The following COL4A1 variants were observed in gnomAD, a reference collection of about 807,000 sequenced individuals.
The protein encoded by COL4A1 is collagen type IV alpha 1 chain.
COL4A1 carries 40 observed loss-of-function variants against 216.6 expected under a neutral mutation model. That is an observed-to-expected ratio of 0.18 (90% CI 0.14 to 0.24). The LOEUF (loss-of-function observed/expected upper bound fraction) is 0.24. COL4A1 is among the 10% of genes least tolerant of loss of function. The probability of loss-of-function intolerance (pLI) is 1.00; values close to 1 mark genes in which losing one functional copy is unlikely to be tolerated. For synonymous variants in COL4A1, 839 were observed against 810.7 expected, an observed-to-expected ratio of 1.03 and a Z score of -0.59; for missense variants, 1,628 against 2,196.8, an observed-to-expected ratio of 0.74 and a Z score of 5.18.
chr13:110,297,185 G>A (rs953554212), intron 1 of COL4A1, among the ~76,000 whole-genome samples: 4 of 152,206 alleles, frequency 2.6e-5, no homozygotes, highest in Non-Finnish European at 5.9e-5. Context: ...AGCCTGCCTT[G>A]GTCTTTCCCA....
chr13:110,174,742 T>C lies in COL4A1; in HGVS notation c.3206A>G (p.Gln1069Arg). The C allele has an allele frequency of 6.2e-7, 1 of 1,613,590 alleles. No homozygotes were observed. Among genetic ancestry groups the C allele is most frequent in the Non-Finnish European group, 8.5e-7 (1 of 1,179,578 alleles). ...IPGLRGEKGDQGIAGFPGSPG... is the reference protein window; with the variant it reads ...IPGLRGEKGDRGIAGFPGSPG... The stretch of plus-strand genomic sequence containing the variant: ...GCTTCCTGGGAAACCCGCTATCCCT[T>C]GATCTCCCTGCAAGTAAAAGTCAGG... The change falls in exon 38 of 52, where the codon CAA becomes CGA. Residue 1069 changes from glutamine (Q) to arginine (R), a missense_variant. Gln to Arg is a conservative substitution (Grantham distance 43). This residue lies in a region of COL4A1 where 345 missense variants were observed against 476.9 expected (regional missense o/e 0.72). Transcript: ENST00000375820.
chr13:110,295,554 T>G (rs1360840511), intron 1 of COL4A1, among the ~76,000 whole-genome samples: 1 of 151,136 alleles, frequency 6.6e-6, no homozygotes, highest in African/African-American at 2.4e-5. Context: ...GCCTCCCAAG[T>G]AGCTGGGATT....
At chr13:110,163,644 T>C (rs1877188897) in intron 46 of COL4A1, 83 bp from the exon 47 acceptor site, 2 of 1,306,150 alleles carry the variant, frequency 1.5e-6, no homozygotes, top group African/African-American at 1.5e-5. Context: ...TCCTTTTCAG[T>C]GTTCAAGGAG....
intron 28 of COL4A1, 118 bp downstream of exon 28, chr13:110,182,875 T>C (rs1219590218): frequency 1.0e-6 from 1 of 955,024 alleles, no homozygotes; most frequent in Non-Finnish European, 1.6e-6. Context: ...TGGGCTCTTC[T>C]GAAAGCCTCC....
Position 110,219,698 on chromosome 13 carries a change from A to ATGTATATATATG in COL4A1, c.145-5684_145-5683insCATATATATACA, listed in dbSNP as rs1555307893. ...TATATGTGTATATATATGTATATAT[A>ATGTATATATATG]TGTATATACATATGTGTATATATAT... On this transcript the variant is annotated intron_variant, in intron 2 of 51. Transcript: ENST00000375820. Among the ~76,000 whole-genome samples the ATGTATATATATG allele has an allele frequency of 5.1e-4, 71 of 139,086 alleles. No individual in the cohort carries two copies. The Middle Eastern group carries it at 0.018, about 35-fold the overall frequency. The allele number at this position is 139,086 out of a possible 152,430, so 91.2% of individuals were successfully genotyped here.
intron 22 of COL4A1, among the ~76,000 whole-genome samples, chr13:110,194,233 T>G (rs1878775211): frequency 6.6e-6 from 1 of 152,222 alleles, no homozygotes; most frequent in African/African-American, 2.4e-5. Flanking sequence ...AATTCTAAGA[T>G]GCTGGCTGAA....
At chr13:110,275,284 G>A (rs1883388020) in intron 1 of COL4A1, among the ~76,000 whole-genome samples, 1 of 152,162 alleles carries the variant, frequency 6.6e-6, no homozygotes, top group Non-Finnish European at 1.5e-5. Flanking sequence ...AAGATAAACA[G>A]GTTGAAAATA....
chr13:110,260,024 T>C lies in COL4A1; in HGVS notation c.85-17290A>G, dbSNP rs182733033. ...CAGGCAACCTAATCTTACATCTCTC[T>C]CATTCACTCTGAAGTCAGGAGCCAT... On this transcript the variant is annotated intron_variant, in intron 1 of 51. Transcript: ENST00000375820. Among the ~76,000 whole-genome samples the C allele has an allele frequency of 2.9e-3, 448 of 152,234 alleles. 4 individuals are homozygous for C. Among genetic ancestry groups the C allele is most frequent in the African/African-American group, 0.01 (430 of 41,536 alleles).
chr13:110,265,084 G>A (rs1234519003), intron 1 of COL4A1, among the ~76,000 whole-genome samples: 1 of 152,224 alleles, frequency 6.6e-6, no homozygotes, highest in Admixed American at 6.5e-5. Context: ...TTGACTGCTA[G>A]AGACCTTCTC....
At chr13:110,229,466 T>C (rs1880903936) in intron 2 of COL4A1, among the ~76,000 whole-genome samples, 1 of 152,330 alleles carries the variant, frequency 6.6e-6, no homozygotes, top group Non-Finnish European at 1.5e-5. Context: ...TAAACACAGC[T>C]GGGATGCATT....
intron 1 of COL4A1, among the ~76,000 whole-genome samples, chr13:110,279,341 C>G (rs1239289699): frequency 6.6e-6 from 1 of 152,114 alleles, no homozygotes; most frequent in East Asian, 1.9e-4. Context: ...GTGATGCTTC[C>G]CAGTACTGCT....
chr13:110,307,139 C>A lies in COL4A1; in HGVS notation c.-112G>T. The A allele has an allele frequency of 1.2e-6, 1 of 835,728 alleles. No individual in the cohort carries two copies. Among genetic ancestry groups the A allele is most frequent in the Admixed American group, 4.2e-5 (1 of 23,854 alleles). 51.8% of individuals were successfully genotyped at this position (835,728 alleles called of 1,614,324 possible). A position where few individuals can be genotyped will look rare whatever the true frequency, so the allele number is the denominator to read the frequency against. On this transcript the variant is annotated 5_prime_UTR_variant, in exon 1 of 52. Transcript: ENST00000375820. This position sits in a 1 kb window ranked among gnomAD's most constrained non-coding sequence, Gnocchi z 5.0. ...GCGCTACGCACCGTCCCGGGTGCGG[C>A]GGCTCCAAGCGGAGACCTGAGCGCG...
intron 1 of COL4A1, among the ~76,000 whole-genome samples, chr13:110,275,461 C>T (rs1883393980): frequency 3.3e-5 from 5 of 152,164 alleles, no homozygotes; most frequent in Admixed American, 3.3e-4. Flanking sequence ...GGTGGGGATA[C>T]AAGATGGTGC....
Position 110,252,888 on chromosome 13 carries a change from G to A in COL4A1, c.85-10154C>T, listed in dbSNP as rs1357544214. Among the ~76,000 whole-genome samples the A allele has an allele frequency of 2.0e-4, 11 of 56,158 alleles. No homozygotes were observed. The East Asian group carries it at 5.0e-3, about 25-fold the overall frequency. The allele number at this position is 56,158 out of a possible 152,430, so 36.8% of individuals were successfully genotyped here. A position where few individuals can be genotyped will look rare whatever the true frequency, so the allele number is the denominator to read the frequency against. ...TACATATACAGATAACTATAAGTAC[G>A]TATGTATTACATATACAGATAACTA... On this transcript the variant is annotated intron_variant, in intron 1 of 51. Coordinates refer to ENST00000375820, the MANE Select transcript of COL4A1 (RefSeq NM_001845.6).
chr13:110,245,065 C>T (rs1448508155), intron 1 of COL4A1, among the ~76,000 whole-genome samples: 1 of 152,188 alleles, frequency 6.6e-6, no homozygotes, highest in Non-Finnish European at 1.5e-5. Flanking sequence ...ACCTCAACCA[C>T]AGTGCATTCG....
At chr13:110,176,364 C>T in intron 36 of COL4A1, 60 bp downstream of exon 36, 2 of 1,128,496 alleles carry the variant, frequency 1.8e-6, no homozygotes, top group Non-Finnish European at 2.7e-6. Context: ...ATTCTGCAGA[C>T]ATGCCCTACC....
chr13:110,251,960 G>A (rs191364220), intron 1 of COL4A1, among the ~76,000 whole-genome samples: 3 of 152,260 alleles, frequency 2.0e-5, no homozygotes, highest in East Asian at 1.9e-4. Flanking sequence ...GCACATTTAC[G>A]GGAAGACTTA....
chr13:110,215,523 T>C (rs146910239), intron 2 of COL4A1, among the ~76,000 whole-genome samples: 12,709 of 146,568 alleles, frequency 0.087, 537 homozygotes, highest in African/African-American at 0.11. Context: ...ATCATGCCAC[T>C]GCACTCTAGC....
intron 2 of COL4A1, among the ~76,000 whole-genome samples, chr13:110,234,912 CA>C (rs1486203983): frequency 6.6e-6 from 1 of 152,146 alleles, no homozygotes; most frequent in Non-Finnish European, 1.5e-5. Flanking sequence ...CAATTGATCT[CA>C]AAAAATTAGT....
Sources: gnomAD v4.1 joint callset for allele counts (sites outside exome capture counted in the v4.1 genomes callset) on GRCh38, gnomAD v4.1.1 for gene constraint, gnomAD v4.1.1 regional missense constraint, Gnocchi (gnomAD v3.1) non-coding constraint, MANE v1.5 for transcripts, NCBI Gene and HGNC (gene_info 2026-07-23, HGNC 2026-07-21) for gene names.